CFAP61: variants seen among roughly 807,000 people sequenced by gnomAD.
CFAP61 encodes the protein cilia and flagella associated protein 61, also known as cilia- and flagella-associated protein 61.
In CFAP61, 107 loss-of-function variants were observed where a neutral mutation model predicts 135.6. The observed-to-expected ratio is 0.79, with a 90% CI of 0.67 to 0.93. The LOEUF is 0.93. Ranked by LOEUF, CFAP61 falls within the 40% of genes least tolerant of loss-of-function variation. The pLI is 0.00. For missense variants in CFAP61, 1,507 were observed against 1,556.2 expected (o/e 0.97, Z 0.53); for synonymous variants, 575 against 578.5 (o/e 0.99, Z 0.09).
chr20:20,358,147 G>A (rs1702625035), intron 26 of CFAP61, among the ~76,000 whole-genome samples: 1 of 138,630 alleles, frequency 7.2e-6, no homozygotes, highest in African/African-American at 2.8e-5. Context: ...AGAGGAGGTG[G>A]TCACACTGAG....
intron 22 of CFAP61, among the ~76,000 whole-genome samples, chr20:20,287,170 T>C (rs2054642683): frequency 6.6e-6 from 1 of 151,822 alleles, no homozygotes; most frequent in Non-Finnish European, 1.5e-5. Flanking sequence ...CTGTGGCCAC[T>C]GGGTAAGAGT....
intron 25 of CFAP61, among the ~76,000 whole-genome samples, chr20:20,302,689 G>A (rs575976513): frequency 7.1e-6 from 1 of 140,876 alleles, no homozygotes; most frequent in East Asian, 1.9e-4. Flanking sequence ...GTTAAGTAGG[G>A]GTAGTGAGGG....
intron 13 of CFAP61, among the ~76,000 whole-genome samples, chr20:20,173,057 T>C (rs2054345290): frequency 6.6e-6 from 1 of 152,154 alleles, no homozygotes; most frequent in Non-Finnish European, 1.5e-5. Flanking sequence ...CAAATTTGCT[T>C]TTTTTTCACG....
At chr20:20,092,413 A>T (rs1030477186) in intron 7 of CFAP61, among the ~76,000 whole-genome samples, 1 of 152,192 alleles carries the variant, frequency 6.6e-6, no homozygotes, top group Non-Finnish European at 1.5e-5. Flanking sequence ...CTCATTTCTC[A>T]TTATTTGTTA....
At chr20:20,186,679 C>A (rs1483421845) in intron 13 of CFAP61, among the ~76,000 whole-genome samples, 1 of 152,086 alleles carries the variant, frequency 6.6e-6, no homozygotes, top group East Asian at 1.9e-4. Flanking sequence ...AATTGTTCAT[C>A]TTTTTATTAG....
chr20:20,145,961 T>A (rs2051844389), intron 9 of CFAP61, among the ~76,000 whole-genome samples: 1 of 152,182 alleles, frequency 6.6e-6, no homozygotes, highest in African/African-American at 2.4e-5. Flanking sequence ...TCAGTAAGGA[T>A]AAAGAAGATT....
chr20:20,173,561 C>G (rs761275062), intron 13 of CFAP61, among the ~76,000 whole-genome samples: 3 of 152,154 alleles, frequency 2.0e-5, no homozygotes, highest in African/African-American at 7.2e-5. Flanking sequence ...TGTATATCTT[C>G]TTTGGTGAGG....
At chr20:20,256,642 G>A (rs1472028690) in intron 20 of CFAP61, among the ~76,000 whole-genome samples, 1 of 152,224 alleles carries the variant, frequency 6.6e-6, no homozygotes, top group East Asian at 1.9e-4. Flanking sequence ...AGCACTCCTG[G>A]AGGGCAGAAG....
At chr20:20,116,996 T>G (rs1320799972) in intron 8 of CFAP61, among the ~76,000 whole-genome samples, 6 of 152,196 alleles carry the variant, frequency 3.9e-5, no homozygotes, top group African/African-American at 1.4e-4. Flanking sequence ...GTATCCAGTT[T>G]TCCCAGCACC....
Position 20,074,326 on chromosome 20 carries a change from C to G in CFAP61, c.319C>G (p.Leu107Val). Residue 107 changes from leucine (L) to valine (V), a missense_variant, in exon 4 of 27, where the codon CTC (leucine) becomes GTC (valine). Physicochemically the swap from Leu to Val is conservative, Grantham distance 32 (BLOSUM62 1). Transcript: ENST00000245957. ...CTPLNTLFMHLFVAVDEYSVG... is the reference protein window; with the variant it reads ...CTPLNTLFMHVFVAVDEYSVG... ...GCCCCTGAATACGTTGTTCATGCAC[C>G]TCTTTGTGGCCGTGGATGAGTATTC... is the stretch of plus-strand genomic sequence containing the variant. 2.5e-6 allele frequency: 4 copies of G among 1,614,164 alleles called. No homozygotes were observed. Among genetic ancestry groups the G allele is most frequent in the Non-Finnish European group, 3.4e-6 (4 of 1,180,010 alleles).
At chr20:20,176,773 T>C (rs200352365) in intron 13 of CFAP61, among the ~76,000 whole-genome samples, 1 of 152,176 alleles carries the variant, frequency 6.6e-6, no homozygotes, top group Non-Finnish European at 1.5e-5. Context: ...CATGCTGGGC[T>C]TAATACCTAG....
intron 2 of CFAP61, among the ~76,000 whole-genome samples, chr20:20,059,578 A>G (rs2044648225): frequency 2.0e-5 from 3 of 151,948 alleles, no homozygotes; most frequent in African/African-American, 7.2e-5. Flanking sequence ...AGATCGCACC[A>G]CTGCGCTCCA....
chr20:20,338,349 C>T (rs987575486), intron 25 of CFAP61, among the ~76,000 whole-genome samples: 3 of 152,266 alleles, frequency 2.0e-5, no homozygotes, highest in African/African-American at 7.2e-5. Context: ...CCTGACTTTC[C>T]AGCAGCCCTC....
rs897200285 is a variant in CFAP61, at chr20:20,129,005, TGTTATAACTATTATTATAATA to T, written c.860-13836_860-13816del. Among the ~76,000 whole-genome samples the T allele has an allele frequency of 1.1e-4, 16 of 151,694 alleles. 1 individual carries two copies. The highest frequency in any genetic ancestry group is 1.7e-4 in the African/African-American group (7 of 41,128). On this transcript the variant is annotated intron_variant, in intron 8 of 26. Coordinates refer to ENST00000245957, the MANE Select transcript of CFAP61 (RefSeq NM_015585.4). The stretch of plus-strand genomic sequence containing the variant: ...AAGTTGTTATAACTATTATTATAAT[TGTTATAACTATTATTATAATA>T]GTTATAACTATTATTGTTTTTGACA...
chr20:20,064,791 G>A (rs2045113514), intron 2 of CFAP61, among the ~76,000 whole-genome samples: 1 of 152,148 alleles, frequency 6.6e-6, no homozygotes, highest in Non-Finnish European at 1.5e-5. Context: ...AAATCATAAA[G>A]TTAGTTTCTC....
At chr20:20,229,985 A>G (rs183483807) in intron 18 of CFAP61, among the ~76,000 whole-genome samples, 1 of 152,292 alleles carries the variant, frequency 6.6e-6, no homozygotes, top group Admixed American at 6.5e-5. Flanking sequence ...ACCATTTTCG[A>G]ATGATGAATT....
At position 20,151,712 on chromosome 20, in the gene CFAP61, CCCAGTTACTCGGGAGG is replaced by C. The variant is rs1358335204; in HGVS notation, c.952-7655_952-7640del. Among the ~76,000 whole-genome samples, 12 of 150,506 alleles carry C rather than the reference CCCAGTTACTCGGGAGG, an allele frequency of 8.0e-5. 2 individuals carry two copies. Among genetic ancestry groups the C allele is most frequent in the East Asian group, 5.9e-4 (3 of 5,116 alleles). ...AAGTGTGGTGGTGGGCACCTGTAGT[CCCAGTTACTCGGGAGG>C]CCGTGGTGGGAGAATGGCGTGAACC... On this transcript the variant is annotated intron_variant, in intron 9 of 26. Transcript: ENST00000245957.
At chr20:20,085,096 A>G (rs1600527758) in intron 6 of CFAP61, 2 of 985,194 alleles carry the variant, frequency 2.0e-6, no homozygotes, top group East Asian at 1.1e-4. Flanking sequence ...TTTCCGTTGC[A>G]CTCTGTGCTG....
intron 25 of CFAP61, among the ~76,000 whole-genome samples, chr20:20,313,083 A>G (rs1234051528): frequency 6.6e-6 from 1 of 152,206 alleles, no homozygotes; most frequent in Admixed American, 6.5e-5. Context: ...ATGTGACTGT[A>G]TCTGGACATA....
Sources: allele counts gnomAD v4.1 joint callset (sites outside exome capture counted in the v4.1 genomes callset), GRCh38; gene constraint gnomAD v4.1.1; transcripts MANE v1.5; gene names NCBI Gene and HGNC (gene_info 2026-07-23, HGNC 2026-07-21).